Variants in NEBL observed in about 807,000 individuals in gnomAD.
The protein encoded by NEBL is nebulette, also known as LIM and SH3 protein 2.
Under a neutral mutation model 140.2 loss-of-function variants are expected in NEBL, and 122 were observed. The ratio of observed to expected loss-of-function variants is 0.87; its 90% confidence interval spans 0.75 to 1.01. The LOEUF (loss-of-function observed/expected upper bound fraction) is 1.01, where lower values mean the gene tolerates loss of function less well. Among genes scored for constraint, NEBL ranks in the 50% least tolerant of loss-of-function variants. The probability of loss-of-function intolerance (pLI) is 0.00; values close to 1 mark genes in which losing one functional copy is unlikely to be tolerated. For synonymous variants in NEBL, 436 were observed against 398.9 expected (o/e 1.09, Z -1.11); for missense variants, 1,365 against 1,231.3 (o/e 1.11, Z -1.62).
intron 2 of NEBL, among the ~76,000 whole-genome samples, chr10:21,037,324 G>T (rs1421733931): frequency 2.6e-5 from 4 of 152,116 alleles, no homozygotes; most frequent in Non-Finnish European, 5.9e-5. Context: ...AGCCCTGGAA[G>T]GAGCAGATAA....
intron 4 of NEBL, among the ~76,000 whole-genome samples, chr10:20,926,374 C>T (rs532123526): frequency 6.7e-6 from 1 of 149,828 alleles, no homozygotes; most frequent in Admixed American, 6.7e-5. Context: ...AGGGCTTAAA[C>T]AAACTTGTGA....
At chr10:20,817,503 G>A (rs1838843818) in intron 21 of NEBL, 97 bp downstream of exon 21, 2 of 1,054,506 alleles carry the variant, frequency 1.9e-6, no homozygotes, top group Admixed American at 1.8e-5. Flanking sequence ...CAGGACATCA[G>A]CTCAAGGTTA....
intron 2 of NEBL, chr10:21,126,087 C>T (rs2132056721): frequency 6.2e-7 from 1 of 1,613,928 alleles, no homozygotes; most frequent in Non-Finnish European, 8.5e-7. Flanking sequence ...TGGGAGGCCT[C>T]AGGCCCTTCT....
Position 20,843,870 on chromosome 10 carries a change from C to T in NEBL, c.1227+1388G>A, listed in dbSNP as rs186190890. ...TCTCTTCTAGCTTATTAAAAACATCCAATCAATTATAGTTAACCATATTCA... is the reference window on the plus strand; with the variant it reads ...TCTCTTCTAGCTTATTAAAAACATCTAATCAATTATAGTTAACCATATTCA... On this transcript the variant is annotated intron_variant, in intron 12 of 27. Transcript: ENST00000377122. Among the ~76,000 whole-genome samples, 59 of 152,160 alleles carry T rather than the reference C, an allele frequency of 3.9e-4. No individual in the cohort carries two copies. In the East Asian group the frequency reaches 5.4e-3, roughly 14 times the overall value.
At chr10:21,185,745 G>T (rs1035435649) in intron 3 of NEBL, among the ~76,000 whole-genome samples, 1 of 151,852 alleles carries the variant, frequency 6.6e-6, no homozygotes, top group Non-Finnish European at 1.5e-5. Flanking sequence ...GATCCACCTC[G>T]CCTCAGCCTC....
At chr10:21,130,078 C>A (rs1218754533) in intron 2 of NEBL, among the ~76,000 whole-genome samples, 1 of 150,658 alleles carries the variant, frequency 6.6e-6, no homozygotes, top group South Asian at 2.1e-4. Flanking sequence ...TAACACTAAC[C>A]AAAAGAAAGC....
intron 3 of NEBL, among the ~76,000 whole-genome samples, chr10:21,191,086 G>A (rs1361597185): frequency 6.6e-6 from 1 of 152,154 alleles, no homozygotes; most frequent in Admixed American, 6.5e-5. Context: ...TTAGAATAAA[G>A]GGATACAGTT....
chr10:20,975,305 G>A (rs552489714), intron 3 of NEBL, among the ~76,000 whole-genome samples: 11 of 152,212 alleles, frequency 7.2e-5, no homozygotes, highest in South Asian at 2.1e-4. Context: ...TAAGTGTTTC[G>A]ACTTCTCTTA....
intron 14 of NEBL, among the ~76,000 whole-genome samples, chr10:20,833,554 G>A (rs765630065): frequency 7.9e-5 from 12 of 152,022 alleles, no homozygotes; most frequent in East Asian, 1.9e-4. Flanking sequence ...CCAGAGCCAC[G>A]TGAATCAATT....
intron 4 of NEBL, among the ~76,000 whole-genome samples, chr10:20,919,594 A>T (rs1833479986): frequency 6.6e-6 from 1 of 152,232 alleles, no homozygotes; most frequent in South Asian, 2.1e-4. Context: ...AAAAGGGAGA[A>T]AAGGACAACC....
chr10:21,147,817 G>A (rs1354026754), intron 2 of NEBL, among the ~76,000 whole-genome samples: 3 of 152,186 alleles, frequency 2.0e-5, no homozygotes, highest in Non-Finnish European at 4.4e-5. Context: ...TCGGACTTGA[G>A]GCTGCAGGCA....
At chr10:21,007,874 T>A (rs1334072245) in intron 3 of NEBL, among the ~76,000 whole-genome samples, 2 of 152,212 alleles carry the variant, frequency 1.3e-5, no homozygotes, top group African/African-American at 4.8e-5. Flanking sequence ...CATGTTTCTG[T>A]TACAGTTTTT....
intron 7 of NEBL, among the ~76,000 whole-genome samples, chr10:20,862,911 G>T (rs1843867953): frequency 1.3e-5 from 2 of 151,776 alleles, no homozygotes; most frequent in South Asian, 2.1e-4. Context: ...TACACAGTAG[G>T]TGTATGTATT....
intron 4 of NEBL, among the ~76,000 whole-genome samples, chr10:20,944,345 A>C (rs1436935544): frequency 1.3e-5 from 2 of 152,152 alleles, no homozygotes; most frequent in Non-Finnish European, 2.9e-5. Context: ...GGGTGCACTG[A>C]GCCAAGATCA....
intron 2 of NEBL, among the ~76,000 whole-genome samples, chr10:21,163,489 C>T (rs1840637383): frequency 1.3e-5 from 2 of 152,202 alleles, no homozygotes; most frequent in South Asian, 2.1e-4. Context: ...CTGGAATTCA[C>T]ACTCTGGATC....
chr10:21,183,210 G>C (rs976748307), intron 3 of NEBL, among the ~76,000 whole-genome samples: 15 of 152,168 alleles, frequency 9.9e-5, no homozygotes, highest in African/African-American at 3.4e-4. Context: ...GCATGAACGA[G>C]AGAGAAATAG....
chr10:21,271,595 G>C (rs1015407761), intron 1 of NEBL, among the ~76,000 whole-genome samples: 3 of 148,362 alleles, frequency 2.0e-5, no homozygotes, highest in Admixed American at 6.8e-5. Flanking sequence ...TTACGATCTC[G>C]GCTCACTGCA....
Position 20,868,701 on chromosome 10 carries a change from A to C in NEBL, c.647T>G (p.Phe216Cys). 1 of 1,613,028 alleles carries C rather than the reference A, an allele frequency of 6.2e-7. No homozygotes were observed. Among genetic ancestry groups the C allele is most frequent in the Non-Finnish European group, 8.5e-7 (1 of 1,179,128 alleles). Residue 216 changes from phenylalanine (F) to cysteine (C), a missense_variant, in exon 7 of 28, where the codon TTT (phenylalanine) becomes TGT (cysteine). This residue lies in a region of NEBL where 1,323 missense variants were observed against 1,154.8 expected (regional missense o/e 1.15). Transcript: ENST00000377122. ...KEPAVIGRPDFEHAVEASKLS... is the reference protein window; with the variant it reads ...KEPAVIGRPDCEHAVEASKLS... ...TTTAGAAGCTTCCACGGCATGTTCAAAATCTGGTCTTCCAATTACAGCGGG... is the reference window on the plus strand; with the variant it reads ...TTTAGAAGCTTCCACGGCATGTTCACAATCTGGTCTTCCAATTACAGCGGG...
At chr10:20,816,409 A>G (rs982284926) in intron 21 of NEBL, among the ~76,000 whole-genome samples, 2 of 152,200 alleles carry the variant, frequency 1.3e-5, no homozygotes, top group African/African-American at 4.8e-5. Flanking sequence ...TAAATAGGTG[A>G]CTGTGGGCAT....
Sources: gnomAD v4.1 joint callset for allele counts (sites outside exome capture counted in the v4.1 genomes callset) on GRCh38, gnomAD v4.1.1 for gene constraint, gnomAD v4.1.1 regional missense constraint, MANE v1.5 for transcripts, NCBI Gene and HGNC (gene_info 2026-07-23, HGNC 2026-07-21) for gene names.